FGFR2: variants seen among roughly 807,000 people sequenced by gnomAD.
FGFR2 encodes the protein BEK fibroblast growth factor receptor.
A neutral mutation model predicts 95.9 loss-of-function variants in FGFR2; 19 were observed. The ratio of observed to expected loss-of-function variants is 0.20; its 90% CI spans 0.14 to 0.29. FGFR2 has a LOEUF of 0.29. FGFR2 is among the 10% of genes least tolerant of loss of function. The pLI is 1.00. For missense variants in FGFR2, 707 were observed against 1,056.9 expected (o/e 0.67, Z 4.59); for synonymous variants, 392 against 393.3 (o/e 1.00, Z 0.04).
chr10:121,550,198 C>T lies in FGFR2; in HGVS notation c.624+1092G>A, dbSNP rs41302341. Among the ~76,000 whole-genome samples the T allele has an allele frequency of 4.7e-3, 714 of 152,306 alleles. 6 individuals are homozygous for T. Among genetic ancestry groups the T allele is most frequent in the African/African-American group, 0.016 (651 of 41,576 alleles). On this transcript the variant is annotated intron_variant, in intron 5 of 17. Transcript: ENST00000358487. ...TCTTCCAAACGCCAATCCAATATCA[C>T]CTTTCCATGTACATCCATGGGATGC...
At position 121,487,272 on chromosome 10, in the gene FGFR2, AAAG is replaced by A. The variant is rs1845543597; in HGVS notation, c.2057+79_2057+81del. ...GAATGTGTGAAATGCAGCAGCCACT[AAAG>A]AAGGAAGAAAGGTGAAGTACGTACA... is the stretch of plus-strand genomic sequence containing the variant. On this transcript the variant is annotated intron_variant, in intron 15 of 17. Coordinates refer to ENST00000358487, the MANE Select transcript of FGFR2 (RefSeq NM_000141.5). 6.2e-6 allele frequency: 7 copies of A among 1,123,206 alleles called. No homozygotes were observed. In the South Asian group the frequency reaches 8.9e-5, roughly 14 times the overall value. 69.6% of individuals were successfully genotyped at this position (1,123,206 alleles called of 1,614,324 possible). A position where few individuals can be genotyped will look rare whatever the true frequency, so the allele number is the denominator to read the frequency against.
intron 5 of FGFR2, among the ~76,000 whole-genome samples, chr10:121,544,974 C>T (rs985352869): frequency 1.4e-4 from 21 of 152,128 alleles, no homozygotes; most frequent in Admixed American, 1.2e-3. Context: ...GAGACCCCGT[C>T]TCTACAAAAA....
intron 13 of FGFR2, among the ~76,000 whole-genome samples, chr10:121,490,154 CTTTTTT>C (rs55633189): frequency 8.7e-5 from 7 of 80,024 alleles, no homozygotes; most frequent in Admixed American, 1.7e-4. Context: ...ACTTTTCCTT[CTTTTTT>C]TTTTTTTTTT....
intron 2 of FGFR2, among the ~76,000 whole-genome samples, chr10:121,568,478 C>A (rs749706138): frequency 6.6e-6 from 1 of 152,104 alleles, no homozygotes. Flanking sequence ...CCAGGGCAGC[C>A]GCTGAGCAGA....
At chr10:121,581,941 T>TTTTAA (rs1554861669) in intron 2 of FGFR2, among the ~76,000 whole-genome samples, 2,466 of 148,902 alleles carry the variant, frequency 0.017, 63 homozygotes, top group African/African-American at 0.052. Context: ...TGATTTTTTT[T>TTTTAA]TTTATTTTTG....
intron 2 of FGFR2, among the ~76,000 whole-genome samples, chr10:121,573,181 C>T (rs1859121119): frequency 6.6e-6 from 1 of 152,302 alleles, no homozygotes; most frequent in East Asian, 1.9e-4. Flanking sequence ...GAAATGGCGC[C>T]CAAATGCAAA....
intron 17 of FGFR2, chr10:121,481,974 A>G (rs1434373853): frequency 3.2e-5 from 14 of 436,838 alleles, no homozygotes; most frequent in Non-Finnish European, 4.1e-5. Flanking sequence ...AGTAGCTGGG[A>G]TTACAGGTGC....
chr10:121,582,736 T>C (rs1289887680), intron 2 of FGFR2, among the ~76,000 whole-genome samples: 1 of 151,942 alleles, frequency 6.6e-6, no homozygotes, highest in Non-Finnish European at 1.5e-5. Flanking sequence ...TGATCCAAGA[T>C]CGCACCACTG....
At chr10:121,560,889 G>C (rs1856860700) in intron 4 of FGFR2, among the ~76,000 whole-genome samples, 1 of 152,158 alleles carries the variant, frequency 6.6e-6, no homozygotes, top group Non-Finnish European at 1.5e-5. Flanking sequence ...CAGTGGGTCT[G>C]AGGAGGAACC....
chr10:121,533,645 T>C (rs568933078), intron 6 of FGFR2, among the ~76,000 whole-genome samples: 12 of 152,358 alleles, frequency 7.9e-5, no homozygotes, highest in African/African-American at 2.9e-4. Flanking sequence ...ACATTCTGTC[T>C]TCTGCAGCAA....
At chr10:121,595,736 C>A (rs1413013603) in intron 1 of FGFR2, among the ~76,000 whole-genome samples, 1 of 152,250 alleles carries the variant, frequency 6.6e-6, no homozygotes, top group African/African-American at 2.4e-5. Flanking sequence ...GCAGAGGTTT[C>A]ACCCCAGGCT....
intron 4 of FGFR2, among the ~76,000 whole-genome samples, chr10:121,559,998 G>T (rs953520793): frequency 1.3e-5 from 2 of 152,134 alleles, no homozygotes; most frequent in Non-Finnish European, 2.9e-5. Flanking sequence ...CAAAAACCAA[G>T]CTGACAGAAT....
intron 12 of FGFR2, among the ~76,000 whole-genome samples, chr10:121,498,289 C>T (rs1362193242): frequency 6.6e-6 from 1 of 152,208 alleles, no homozygotes; most frequent in African/African-American, 2.4e-5. Flanking sequence ...GTCACCTGCA[C>T]CCTCCTTTCC....
chr10:121,596,612 G>C (rs45631615), intron 1 of FGFR2: 1 of 204,700 alleles, frequency 4.9e-6, no homozygotes, highest in Non-Finnish European at 1.0e-5. Context: ...AGCTGTCAAG[G>C]GGTCAAGGCT....
intron 6 of FGFR2, among the ~76,000 whole-genome samples, chr10:121,523,123 C>G (rs1729557448): frequency 1.3e-5 from 2 of 152,194 alleles, no homozygotes; most frequent in African/African-American, 4.8e-5. Context: ...ACATTTCATT[C>G]CAGAATCTCC....
intron 1 of FGFR2, among the ~76,000 whole-genome samples, chr10:121,594,720 C>T (rs887193570): frequency 2.0e-5 from 3 of 152,162 alleles, no homozygotes; most frequent in Non-Finnish European, 2.9e-5. Flanking sequence ...AATGGCAGTC[C>T]AGGGCTGCTA....
chr10:121,563,746 G>GC, intron 4 of FGFR2, among the ~76,000 whole-genome samples: 2 of 152,322 alleles, frequency 1.3e-5, no homozygotes, highest in East Asian at 3.9e-4. Flanking sequence ...AAGTTGTGGA[G>GC]CAAGATTCAA....
intron 2 of FGFR2, among the ~76,000 whole-genome samples, chr10:121,581,761 T>TAAAA (rs55911512): frequency 1.6e-5 from 1 of 62,558 alleles, no homozygotes; most frequent in Non-Finnish European, 3.2e-5. Flanking sequence ...ACCCTGCATT[T>TAAAA]AAAAAAAAAA....
intron 5 of FGFR2, among the ~76,000 whole-genome samples, chr10:121,542,184 A>C (rs1388490721): frequency 6.6e-6 from 1 of 152,240 alleles, no homozygotes; most frequent in Non-Finnish European, 1.5e-5. Flanking sequence ...ATTTAAAAAA[A>C]AGAAAAAAGC....
Sources: gnomAD v4.1 joint callset for allele counts (sites outside exome capture counted in the v4.1 genomes callset) on GRCh38, gnomAD v4.1.1 for gene constraint, MANE v1.5 for transcripts, NCBI Gene and HGNC (gene_info 2026-07-23, HGNC 2026-07-21) for gene names.